CDH10: variants seen among roughly 807,000 people sequenced by gnomAD.
The protein encoded by CDH10 is cadherin 10.
A neutral mutation model predicts 73.1 loss-of-function variants in CDH10; 30 were observed. That is an observed-to-expected ratio of 0.41 (90% confidence interval 0.31 to 0.56). CDH10 has a LOEUF of 0.56. CDH10 is among the 20% of genes least tolerant of loss of function. CDH10 has a pLI of 0.27. For missense variants in CDH10, 815 were observed against 973.7 expected (o/e 0.84, Z 2.17); for synonymous variants, 345 against 348.2 (o/e 0.99, Z 0.10).
chr5:24,518,698 T>C (rs1579750211), intron 5 of CDH10, among the ~76,000 whole-genome samples: 1 of 152,210 alleles, frequency 6.6e-6, no homozygotes, highest in South Asian at 2.1e-4. Context: ...ATCATGTTTT[T>C]TTCCCTGTTC....
intron 1 of CDH10, among the ~76,000 whole-genome samples, chr5:24,638,096 G>GA (rs553542422): frequency 6.6e-6 from 1 of 151,334 alleles, no homozygotes; most frequent in Non-Finnish European, 1.5e-5. Context: ...TCCAAGGGGA[G>GA]AAAAAAAATT....
rs905065528 is a variant in CDH10 at position 24,579,987 on chromosome 5, C to T, written c.231+13273G>A. ...TGTTTTTTTCTCCCTAATGCTCTATCGCTTCAAATAAAAGCAGATTTATAG... is the reference window on the plus strand; with the variant it reads ...TGTTTTTTTCTCCCTAATGCTCTATTGCTTCAAATAAAAGCAGATTTATAG... On this transcript the variant is annotated intron_variant, in intron 2 of 11. Transcript: ENST00000264463. Among the ~76,000 whole-genome samples, 6 of 152,066 alleles carry T rather than the reference C, an allele frequency of 3.9e-5. No individual in the cohort carries two copies. The East Asian group carries it at 5.8e-4, about 15-fold the overall frequency.
intron 11 of CDH10, among the ~76,000 whole-genome samples, chr5:24,491,157 T>C (rs1579709328): frequency 6.6e-6 from 1 of 152,176 alleles, no homozygotes; most frequent in African/African-American, 2.4e-5. Context: ...TCACTGGACC[T>C]AGGTTCCGAA....
At chr5:24,571,163 C>T (rs1745368473) in intron 2 of CDH10, among the ~76,000 whole-genome samples, 1 of 152,100 alleles carries the variant, frequency 6.6e-6, no homozygotes, top group South Asian at 2.1e-4. Context: ...CAACCAGCAT[C>T]TCAGTAATCT....
At chr5:24,643,947 C>G (rs1748135310) in intron 1 of CDH10, among the ~76,000 whole-genome samples, 1 of 152,124 alleles carries the variant, frequency 6.6e-6, no homozygotes, top group Non-Finnish European at 1.5e-5. Flanking sequence ...TGCATTTACT[C>G]TCCCTCTCTT....
At chr5:24,589,895 G>A (rs550402072) in intron 2 of CDH10, among the ~76,000 whole-genome samples, 33 of 152,032 alleles carry the variant, frequency 2.2e-4, no homozygotes, top group African/African-American at 7.5e-4. Context: ...GTTTCACTAC[G>A]GAGGTAACAT....
At chr5:24,575,785 C>A (rs936285529) in intron 2 of CDH10, among the ~76,000 whole-genome samples, 1 of 151,912 alleles carries the variant, frequency 6.6e-6, no homozygotes. Flanking sequence ...ATTTAAATAC[C>A]TGTGCAAGTT....
chr5:24,644,853 A>AG lies in CDH10; in HGVS notation c.-384dup, dbSNP rs1491251401. 2.0e-5 allele frequency: 3 copies of AG among 150,928 alleles called. No homozygotes were observed. The highest frequency in any genetic ancestry group is 6.6e-5 in the Admixed American group (1 of 15,092). 9.3% of individuals were successfully genotyped at this position (150,928 alleles called of 1,614,324 possible). Reference sequence around the variant, plus strand: ...GGAAAGGAAAAAAAAAAAAAAGGAAAGGGGGGAAAAAAGCTCTTCCTCACA... The same window carrying AG: ...GGAAAGGAAAAAAAAAAAAAAGGAAAGGGGGGGAAAAAAGCTCTTCCTCACA... On this transcript the variant is annotated 5_prime_UTR_variant, in exon 1 of 12. It removes the in-frame stop codon of an upstream open reading frame in the 5' UTR. Transcript: ENST00000264463.
At chr5:24,566,018 T>C (rs1309915193) in intron 2 of CDH10, among the ~76,000 whole-genome samples, 1 of 152,142 alleles carries the variant, frequency 6.6e-6, no homozygotes, top group African/African-American at 2.4e-5. Context: ...GGTTTACAGA[T>C]CCAATAAGAT....
chr5:24,557,787 T>C (rs1017689960), intron 2 of CDH10, among the ~76,000 whole-genome samples: 13 of 151,796 alleles, frequency 8.6e-5, no homozygotes, highest in African/African-American at 2.7e-4. Context: ...CCCTGCTGAA[T>C]CTAACAATTA....
At position 24,592,379 on chromosome 5, in the gene CDH10, A is replaced by G. The variant is rs925521566; in HGVS notation, c.231+881T>C. ...CATGTGATTTATGTTAGTCTACTTAATTTCCTTTTATTCCTATGACATAGT... is the reference window on the plus strand; with the variant it reads ...CATGTGATTTATGTTAGTCTACTTAGTTTCCTTTTATTCCTATGACATAGT... On this transcript the variant is annotated intron_variant, in intron 2 of 11. Coordinates refer to ENST00000264463, the MANE Select transcript of CDH10 (RefSeq NM_006727.5). 4.0e-5 allele frequency among the ~76,000 whole-genome samples: 6 copies of G among 151,804 alleles called. No homozygotes were observed. The East Asian group carries it at 1.2e-3, about 29-fold the overall frequency.
chr5:24,550,598 A>G (rs901765475), intron 2 of CDH10, among the ~76,000 whole-genome samples: 2 of 152,050 alleles, frequency 1.3e-5, no homozygotes, highest in African/African-American at 4.8e-5. Context: ...TCTTTATACA[A>G]CCTCCATCCT....
rs1579778252 is a variant in CDH10 at position 24,538,262 on chromosome 5, C to T, written c.232-588G>A. ...TGTAGTACTCAGAGCAGATAGATAT[C>T]TACATAACACATGTCTGTAAATTTT... is the stretch of plus-strand genomic sequence containing the variant. On this transcript the variant is annotated intron_variant, in intron 2 of 11. Coordinates refer to ENST00000264463, the MANE Select transcript of CDH10 (RefSeq NM_006727.5). Among the ~76,000 whole-genome samples, 3 of 152,078 alleles carry T rather than the reference C, an allele frequency of 2.0e-5. 1 individual carries two copies. Among genetic ancestry groups the T allele is most frequent in the Admixed American group, 2.0e-4 (3 of 15,242 alleles).
Position 24,537,583 on chromosome 5 carries a change from G to C in CDH10, c.323C>G (p.Thr108Arg). 6.2e-7 allele frequency: 1 copy of C among 1,608,870 alleles called. No individual in the cohort carries two copies. The highest frequency in any genetic ancestry group is 8.5e-7 in the Non-Finnish European group (1 of 1,175,564). Reference sequence around the variant, plus strand: ...TCGCCTTGTGGCATGAATATCACCTGTTTTTTCATCAATAATAAAAAGAGT... The same window carrying C: ...TCGCCTTGTGGCATGAATATCACCTCTTTTTTCATCAATAATAAAAAGAGT... The part of the protein sequence containing the change: ...AGTLFIIDEK[T>R]GDIHATRRID... Residue 108 changes from threonine to arginine, a missense_variant, in exon 3 of 12, where the codon ACA becomes AGA. Thr to Arg is a moderately conservative substitution (Grantham distance 71, BLOSUM62 -1). This residue lies in a region of CDH10 where 516 missense variants were observed against 636.6 expected (regional missense o/e 0.81). Transcript: ENST00000264463.
intron 2 of CDH10, among the ~76,000 whole-genome samples, chr5:24,559,401 C>A (rs149944180): frequency 6.6e-6 from 1 of 151,948 alleles, no homozygotes; most frequent in Non-Finnish European, 1.5e-5. Flanking sequence ...AATAAATTAT[C>A]TTTTTAATCC....
chr5:24,608,228 T>C (rs1312977236), intron 1 of CDH10, among the ~76,000 whole-genome samples: 5 of 152,278 alleles, frequency 3.3e-5, no homozygotes, highest in Middle Eastern at 6.8e-3. Flanking sequence ...CTATGACTTT[T>C]CTTATTCTAT....
chr5:24,625,165 A>T lies in CDH10; in HGVS notation c.-124+19429T>A, dbSNP rs991093882. Among the ~76,000 whole-genome samples the T allele has an allele frequency of 2.6e-5, 4 of 152,166 alleles. No individual in the cohort carries two copies. In the South Asian group the frequency reaches 6.2e-4, roughly 24 times the overall value. ...CAGGCTGAAAATATAATAGGTTCAT[A>T]AAAGGTTTAGATAAAAAACATGCAA... On this transcript the variant is annotated intron_variant, in intron 1 of 11. Transcript: ENST00000264463.
chr5:24,637,681 A>G (rs1396789491), intron 1 of CDH10, among the ~76,000 whole-genome samples: 1 of 151,940 alleles, frequency 6.6e-6, no homozygotes, highest in Non-Finnish European at 1.5e-5. Flanking sequence ...AGTTAAATTA[A>G]TAACAGAAGC....
intron 1 of CDH10, among the ~76,000 whole-genome samples, chr5:24,615,246 G>C (rs1361351561): frequency 1.3e-5 from 2 of 152,094 alleles, no homozygotes; most frequent in Non-Finnish European, 2.9e-5. Flanking sequence ...CTTTTGCATG[G>C]AAATCTCTTC....
Sources: gnomAD v4.1 joint callset for allele counts (sites outside exome capture counted in the v4.1 genomes callset) on GRCh38, gnomAD v4.1.1 for gene constraint, gnomAD v4.1.1 regional missense constraint, MANE v1.5 for transcripts, NCBI Gene and HGNC (gene_info 2026-07-23, HGNC 2026-07-21) for gene names.